Variants in HDGFL3 observed in about 807,000 individuals in gnomAD.
The protein encoded by HDGFL3 is hepatoma-derived growth factor-related protein 3.
A neutral mutation model predicts 27.6 loss-of-function variants in HDGFL3; 6 were observed. The ratio of observed to expected loss-of-function variants is 0.22; its 90% CI spans 0.12 to 0.43. The LOEUF (loss-of-function observed/expected upper bound fraction) is 0.43. HDGFL3 is among the 20% of genes least tolerant of loss of function. The pLI, the probability that HDGFL3 is intolerant of heterozygous loss-of-function variation, is 1.00. For synonymous variants in HDGFL3, 88 were observed against 88.9 expected, an observed-to-expected ratio of 0.99 and a Z score of 0.05; for missense variants, 207 against 250.1, an observed-to-expected ratio of 0.83 and a Z score of 1.16.
At chr15:83,120,808 T>C (rs2035162479) in intron 3 of HDGFL3, among the ~76,000 whole-genome samples, 1 of 152,000 alleles carries the variant, frequency 6.6e-6, no homozygotes, top group Non-Finnish European at 1.5e-5. Context: ...TCTGGTGATC[T>C]GCCCGCCTCA....
At chr15:83,148,523 G>A (rs958882995) in intron 5 of HDGFL3, among the ~76,000 whole-genome samples, 1 of 152,086 alleles carries the variant, frequency 6.6e-6, no homozygotes, top group African/African-American at 2.4e-5. Context: ...TTGGGAGGCT[G>A]AGGCAGGAGA....
At chr15:83,141,971 CA>C (rs2036780629) in intron 5 of HDGFL3, among the ~76,000 whole-genome samples, 1 of 152,124 alleles carries the variant, frequency 6.6e-6, no homozygotes, top group Non-Finnish European at 1.5e-5. Flanking sequence ...ACTGCAGTGA[CA>C]TACCATTTCA....
chr15:83,143,842 CTATCA>C (rs150225132), intron 5 of HDGFL3, among the ~76,000 whole-genome samples: 1,523 of 152,240 alleles, frequency 0.01, 29 homozygotes, highest in African/African-American at 0.034. Context: ...AACATTGTAG[CTATCA>C]TTCCAATGTT....
chr15:83,165,723 A>G (rs1374611306), intron 1 of HDGFL3, among the ~76,000 whole-genome samples: 1 of 139,992 alleles, frequency 7.1e-6, no homozygotes, highest in Non-Finnish European at 1.5e-5. Flanking sequence ...TGAACCTGGG[A>G]GGCGGAGCTT....
chr15:83,137,437 T>C lies in HDGFL3; in HGVS notation c.*1833A>G, dbSNP rs1381506115. ...TTTTAAAGAAAATTTGTGAGTTGTA[T>C]ATTCCAATTCAAAATGCCATCTACA... On this transcript the variant is annotated 3_prime_UTR_variant, in exon 6 of 6. Coordinates refer to ENST00000299633, the MANE Select transcript of HDGFL3 (RefSeq NM_016073.4). 6.6e-6 allele frequency: 1 copy of C among 152,200 alleles called. No individual in the cohort carries two copies. The highest frequency in any genetic ancestry group is 6.5e-5 in the Admixed American group (1 of 15,288). 9.4% of individuals were successfully genotyped at this position (152,200 alleles called of 1,614,324 possible). A position where few individuals can be genotyped will look rare whatever the true frequency, so the allele number is the denominator to read the frequency against.
chr15:83,153,661 G>C (rs1050310959), intron 4 of HDGFL3, among the ~76,000 whole-genome samples: 7 of 152,172 alleles, frequency 4.6e-5, no homozygotes, highest in African/African-American at 1.7e-4. Context: ...TAAAATTACT[G>C]GTGGTTTATC....
At chr15:83,127,209 AAAAAT>A (rs1050372452), downstream of HDGFL3, 4 of 767,974 alleles carry the variant, frequency 5.2e-6, no homozygotes, top group Non-Finnish European at 7.2e-6. Context: ...ATAAATAAAT[AAAAAT>A]AAAAGTAAAA....
At chr15:83,116,683 C>T (rs770665267) in intron 3 of HDGFL3, among the ~76,000 whole-genome samples, 3 of 152,178 alleles carry the variant, frequency 2.0e-5, no homozygotes, top group East Asian at 1.9e-4. Context: ...GGGCACCAGT[C>T]AGGAGGCTTC....
rs1390292279 is a variant in HDGFL3, at chr15:83,130,167, T to C, written c.*9103A>G. On this transcript the variant is annotated 3_prime_UTR_variant, in exon 6 of 6. Transcript: ENST00000299633. The stretch of plus-strand genomic sequence containing the variant: ...ACCTGGTCAAGTCTCAGGAGACAAA[T>C]GGAAACAGCAGGAAAACCTAGGCAA... The C allele has an allele frequency of 1.3e-5, 2 of 152,046 alleles. No individual in the cohort carries two copies. Among genetic ancestry groups the C allele is most frequent in the African/African-American group, 4.8e-5 (2 of 41,368 alleles). The allele number at this position is 152,046 out of a possible 1,614,324, so 9.4% of individuals were successfully genotyped here.
rs1486351649 is a variant in HDGFL3, at chr15:83,136,485, A to T, written c.*2785T>A. 6.3e-7 allele frequency: 1 copy of T among 1,576,502 alleles called. No individual in the cohort carries two copies. Among genetic ancestry groups the T allele is most frequent in the Non-Finnish European group, 8.6e-7 (1 of 1,168,636 alleles). On this transcript the variant is annotated 3_prime_UTR_variant, in exon 6 of 6. Coordinates refer to ENST00000299633, the MANE Select transcript of HDGFL3 (RefSeq NM_016073.4). Reference sequence around the variant, plus strand: ...TTTTTTTTTTAAATGCAACAGGCTCAGTTTTCTCACATTGGTGCATCTCTT... The same window carrying T: ...TTTTTTTTTTAAATGCAACAGGCTCTGTTTTCTCACATTGGTGCATCTCTT...
At chr15:83,192,407 G>T (rs966879306) in intron 1 of HDGFL3, 31 of 422,642 alleles carry the variant, frequency 7.3e-5, no homozygotes, top group African/African-American at 5.9e-4. Context: ...ACAGTAGGAA[G>T]AAAATACCAA....
intron 4 of HDGFL3, among the ~76,000 whole-genome samples, chr15:83,157,019 A>G (rs532113202): frequency 1.3e-5 from 2 of 152,326 alleles, no homozygotes; most frequent in South Asian, 4.1e-4. Flanking sequence ...TTAGAACCCC[A>G]TAGTTAAGTT....
chr15:83,136,593 T>C lies in HDGFL3; in HGVS notation c.*2677A>G, dbSNP rs780964372. 3.1e-6 allele frequency: 5 copies of C among 1,613,934 alleles called. No homozygotes were observed. The highest frequency in any genetic ancestry group is 4.2e-6 in the Non-Finnish European group (5 of 1,179,882). On this transcript the variant is annotated 3_prime_UTR_variant, in exon 6 of 6. Coordinates refer to ENST00000299633, the MANE Select transcript of HDGFL3 (RefSeq NM_016073.4). ...GCATTAAACATAGCATATGGAGTTC[T>C]TCCTCAGCTCTTGGCCTATCGTTGT...
chr15:83,198,054 C>CAAAAAAAA (rs766372255), intron 1 of HDGFL3, among the ~76,000 whole-genome samples: 1,300 of 57,138 alleles, frequency 0.023, 118 homozygotes, highest in Non-Finnish European at 0.029. Context: ...GACTCCGTCT[C>CAAAAAAAA]AAAAAAAAAA....
chr15:83,122,433 A>G (rs2035353270), intron 3 of HDGFL3, among the ~76,000 whole-genome samples: 1 of 152,244 alleles, frequency 6.6e-6, no homozygotes, highest in African/African-American at 2.4e-5. Flanking sequence ...ATAGGGAGAT[A>G]GATATATACA....
chr15:83,194,578 A>AT (rs532025326), intron 1 of HDGFL3, among the ~76,000 whole-genome samples: 120 of 152,058 alleles, frequency 7.9e-4, no homozygotes, highest in Admixed American at 1.6e-3. Context: ...TACAATTAAA[A>AT]TTTTTTTTTA....
At chr15:83,122,986 C>A (rs947876322), downstream of HDGFL3, 22 of 1,283,704 alleles carry the variant, frequency 1.7e-5, 1 homozygote, top group African/African-American at 3.1e-4. Flanking sequence ...GCATTTGGGG[C>A]ATCCAAACAG....
chr15:83,124,530 A>G (rs1158630593), downstream of HDGFL3: 3 of 619,542 alleles, frequency 4.8e-6, no homozygotes, highest in Admixed American at 3.2e-5. Flanking sequence ...TGATTTTCCT[A>G]AAGTTCCATG....
intron 1 of HDGFL3, among the ~76,000 whole-genome samples, chr15:83,164,415 CTTTT>C (rs2037140638): frequency 7.4e-6 from 1 of 135,294 alleles, no homozygotes; most frequent in South Asian, 2.6e-4. Context: ...AGATGTACTT[CTTTT>C]GAGTAACAGT....
Sources: gnomAD v4.1 joint callset for allele counts (sites outside exome capture counted in the v4.1 genomes callset) on GRCh38, gnomAD v4.1.1 for gene constraint, MANE v1.5 for transcripts, NCBI Gene and HGNC (gene_info 2026-07-23, HGNC 2026-07-21) for gene names.